Variants in INPP5F observed in about 807,000 individuals in gnomAD.
INPP5F encodes the protein inositol polyphosphate-5-phosphatase F.
Under a neutral mutation model 137.2 loss-of-function variants are expected in INPP5F, and 97 were observed. That is an observed-to-expected ratio of 0.71 (90% CI 0.60 to 0.84). The LOEUF is 0.84. Ranked by LOEUF, INPP5F falls within the 40% of genes least tolerant of loss-of-function variation. The probability of loss-of-function intolerance (pLI) is 0.00; values close to 1 mark genes in which losing one functional copy is unlikely to be tolerated. For synonymous variants in INPP5F, 504 were observed against 476.9 expected (o/e 1.06, Z -0.74); for missense variants, 1,271 against 1,371.9 (o/e 0.93, Z 1.16).
intron 13 of INPP5F, among the ~76,000 whole-genome samples, chr10:119,809,487 A>T (rs984612449): frequency 6.6e-6 from 1 of 152,086 alleles, no homozygotes. Flanking sequence ...AAGAGACTAC[A>T]CCTTCCTTGC....
chr10:119,796,130 A>AT (rs2134220756), intron 6 of INPP5F, among the ~76,000 whole-genome samples: 1 of 152,196 alleles, frequency 6.6e-6, no homozygotes, highest in East Asian at 1.9e-4. Context: ...ACATTTTAAA[A>AT]TAAGACATTT....
chr10:119,797,078 GA>G (rs1222568932), intron 7 of INPP5F, among the ~76,000 whole-genome samples, 165 bp downstream of exon 7: 1 of 152,180 alleles, frequency 6.6e-6, no homozygotes, highest in African/African-American at 2.4e-5. Flanking sequence ...AATTTTTGAA[GA>G]GGGGTGAATA....
At position 119,787,327 on chromosome 10, in the gene INPP5F, G is replaced by A. The variant is rs181925442; in HGVS notation, c.316-4190G>A. On this transcript the variant is annotated intron_variant, in intron 3 of 19. Coordinates refer to ENST00000650623, the MANE Select transcript of INPP5F (RefSeq NM_014937.4). This position sits in a 1 kb window ranked among gnomAD's most constrained non-coding sequence, Gnocchi z 4.1. ...AGACCAGGTGTGGTGGCTCAAGCCT[G>A]TAATCCCAACACTTTGAGAGGCCGA... 2.4e-3 allele frequency among the ~76,000 whole-genome samples: 365 copies of A among 152,280 alleles called. 1 individual carries two copies. The highest frequency in any genetic ancestry group is 8.5e-3 in the African/African-American group (355 of 41,566).
At position 119,827,682 on chromosome 10, in the gene INPP5F, C is replaced by G. The variant is rs752022140; in HGVS notation, c.3301C>G (p.Gln1101Glu). 1 of 1,613,880 alleles carries G rather than the reference C, an allele frequency of 6.2e-7. No individual in the cohort carries two copies. Among genetic ancestry groups the G allele is most frequent in the African/African-American group, 1.3e-5 (1 of 74,904 alleles). ...HGINFAVSKV[Q>E]KSPPEPEIIN... ...GATAAACTTTGCAGTGTCAAAAGTT[C>G]AGAAGAGTCCTCCAGAACCTGAAAT... Residue 1101 changes from glutamine to glutamate, a missense_variant, in exon 20 of 20, where the codon CAG becomes GAG. Gln to Glu is a conservative substitution (Grantham distance 29). This residue lies in a region of INPP5F where 490 missense variants were observed against 443.7 expected (regional missense o/e 1.10). Transcript: ENST00000650623.
chr10:119,751,415 G>A (rs1024050881), intron 2 of INPP5F, among the ~76,000 whole-genome samples: 3 of 152,202 alleles, frequency 2.0e-5, no homozygotes, highest in African/African-American at 7.2e-5. Context: ...GTGCCATGAG[G>A]GAAAGATATA....
At chr10:119,759,241 G>C (rs1181016693) in intron 2 of INPP5F, among the ~76,000 whole-genome samples, 1 of 152,174 alleles carries the variant, frequency 6.6e-6, no homozygotes, top group African/African-American at 2.4e-5. Context: ...GGCTGGTCTT[G>C]AACTCCTGGG....
chr10:119,814,728 AT>A (rs1271238752), intron 15 of INPP5F: 1 of 152,268 alleles, frequency 6.6e-6, no homozygotes, highest in Non-Finnish European at 1.5e-5. Flanking sequence ...CTTTAAGTTC[AT>A]TTTGTTTAAT....
chr10:119,794,741 G>GCAGA (rs1850276719), intron 6 of INPP5F, among the ~76,000 whole-genome samples: 1 of 146,204 alleles, frequency 6.8e-6, no homozygotes, highest in Non-Finnish European at 1.5e-5. Flanking sequence ...GGCCAGGTGG[G>GCAGA]GGGGCTGACC....
chr10:119,764,923 A>G (rs954847658), intron 2 of INPP5F, among the ~76,000 whole-genome samples: 2 of 150,346 alleles, frequency 1.3e-5, no homozygotes, highest in Admixed American at 1.3e-4. Flanking sequence ...AGCTTACTTT[A>G]TTTATTCATT....
rs747707093 is a variant in INPP5F, at chr10:119,823,149, A to G, written c.2111A>G (p.Tyr704Cys). 7 of 1,614,162 alleles carry G rather than the reference A, an allele frequency of 4.3e-6. No homozygotes were observed. Among genetic ancestry groups the G allele is most frequent in the Middle Eastern group, 1.6e-4 (1 of 6,062 alleles). ...TACAGATACAAAGAAGCGAGTGGCT[A>G]TTTCCACACATTGCGAGCTGTAATG... ...LHYRYKEASG[Y>C]FHTLRAVMRN... The change falls in exon 18 of 20, where the codon TAT becomes TGT. Residue 704 changes from tyrosine to cysteine, a missense_variant. Tyr to Cys is a radical substitution (Grantham distance 194, BLOSUM62 -2). Coordinates refer to ENST00000650623, the MANE Select transcript of INPP5F (RefSeq NM_014937.4).
intron 8 of INPP5F, 51 bp from the exon 9 acceptor site, chr10:119,798,492 T>C: frequency 1.6e-6 from 2 of 1,265,328 alleles, no homozygotes; most frequent in South Asian, 1.2e-5. Context: ...TAGACACTAA[T>C]ATGTCTTAAA....
rs376893567 is a variant in INPP5F at position 119,791,601 on chromosome 10, T to C, written c.400T>C (p.Phe134Leu). The change falls in exon 4 of 20, where the codon TTT (phenylalanine) becomes CTT (leucine). Residue 134 changes from phenylalanine (F) to leucine (L), a missense_variant. By Grantham distance (22) the Phe-to-Leu change is conservative (BLOSUM62 0). This residue lies in a region of INPP5F where 62 missense variants were observed against 55.0 expected (regional missense o/e 1.13). Coordinates refer to ENST00000650623, the MANE Select transcript of INPP5F (RefSeq NM_014937.4). ...TGACTCAAAGTTTCTACTGAAGACC[T>C]TTACGCATATTAAATCCAATGTGTC... ...PDDSKFLLKT[F>L]THIKSNVSAP... The C allele has an allele frequency of 3.9e-5, 62 of 1,604,856 alleles. No individual in the cohort carries two copies. Among genetic ancestry groups the C allele is most frequent in the East Asian group, 3.3e-4 (15 of 44,804 alleles).
At position 119,802,519 on chromosome 10, in the gene INPP5F, A is replaced by G. The variant is rs146485184; in HGVS notation, c.1117-1654A>G. On this transcript the variant is annotated intron_variant, in intron 9 of 19. Coordinates refer to ENST00000650623, the MANE Select transcript of INPP5F (RefSeq NM_014937.4). ...AAAACAAAACTATGCCATATATACT[A>G]TTGTGCAGCTGTTTTCATTTAAGGT... is the stretch of plus-strand genomic sequence containing the variant. Among the ~76,000 whole-genome samples the G allele has an allele frequency of 2.6e-3, 401 of 152,248 alleles. 1 individual carries two copies. Among genetic ancestry groups the G allele is most frequent in the African/African-American group, 8.8e-3 (365 of 41,544 alleles).
chr10:119,776,891 C>A (rs1022951254), intron 2 of INPP5F, among the ~76,000 whole-genome samples: 9 of 152,172 alleles, frequency 5.9e-5, no homozygotes, highest in African/African-American at 2.2e-4. Context: ...GCTGAGACTA[C>A]AGGCATGTAC....
chr10:119,781,807 A>G, intron 3 of INPP5F, 36 bp downstream of exon 3: 1 of 1,520,734 alleles, frequency 6.6e-7, no homozygotes, highest in East Asian at 2.3e-5. Flanking sequence ...TGGAAACCTG[A>G]TATAAATGTA....
chr10:119,826,819 T>C lies in INPP5F; in HGVS notation c.2438T>C (p.Val813Ala). The change falls in exon 20 of 20, where the codon GTT becomes GCT. Residue 813 changes from valine to alanine, a missense_variant. By Grantham distance (64) the Val-to-Ala change is moderately conservative (BLOSUM62 0). Around this residue, in one of 6 missense-constraint regions of INPP5F, gnomAD observed 490 missense variants for 443.7 expected, o/e 1.10. Coordinates refer to ENST00000650623, the MANE Select transcript of INPP5F (RefSeq NM_014937.4). ...AACTTTACCAAACCTGAAATGAAAG[T>C]TAACTTTCTAAAACCAAACTTAAAA... ...LGNFTKPEMK[V>A]NFLKPNLKVN... The C allele has an allele frequency of 1.2e-6, 2 of 1,613,314 alleles. No homozygotes were observed. Among genetic ancestry groups the C allele is most frequent in the Non-Finnish European group, 1.7e-6 (2 of 1,179,798 alleles).
chr10:119,729,999 C>G (rs1848009942), intron 1 of INPP5F, among the ~76,000 whole-genome samples: 1 of 151,394 alleles, frequency 6.6e-6, no homozygotes, highest in Non-Finnish European at 1.5e-5. Flanking sequence ...TCTGGTGTTT[C>G]TAATTTTTTT....
intron 3 of INPP5F, among the ~76,000 whole-genome samples, chr10:119,789,913 G>C (rs553482180): frequency 6.6e-6 from 1 of 151,782 alleles, no homozygotes; most frequent in Non-Finnish European, 1.5e-5. Flanking sequence ...AGGTGAAGCC[G>C]TGTGTTGTAG....
chr10:119,758,577 T>C (rs1848917055), intron 2 of INPP5F, among the ~76,000 whole-genome samples: 1 of 152,100 alleles, frequency 6.6e-6, no homozygotes, highest in Admixed American at 6.6e-5. Context: ...GAGGATAAGC[T>C]CAATTAGGGT....
Sources: gnomAD v4.1 joint callset for allele counts (sites outside exome capture counted in the v4.1 genomes callset) on GRCh38, gnomAD v4.1.1 for gene constraint, gnomAD v4.1.1 regional missense constraint, Gnocchi (gnomAD v3.1) non-coding constraint, MANE v1.5 for transcripts, NCBI Gene and HGNC (gene_info 2026-07-23, HGNC 2026-07-21) for gene names.